KLF12: variants seen among roughly 807,000 people sequenced by gnomAD.
KLF12 encodes the protein Krueppel-like factor 12.
KLF12 carries 9 observed loss-of-function variants against 37.8 expected under a neutral mutation model. The observed-to-expected ratio is 0.24, with a 90% CI of 0.14 to 0.42. The LOEUF is 0.42. KLF12 is among the 10% of genes least tolerant of loss of function. KLF12 has a pLI of 1.00. For synonymous variants in KLF12, 208 were observed against 202.1 expected (o/e 1.03, Z -0.25); for missense variants, 411 against 516.0 (o/e 0.80, Z 1.97).
At chr13:73,781,273 A>G (rs1458962320) in intron 5 of KLF12, among the ~76,000 whole-genome samples, 2 of 152,254 alleles carry the variant, frequency 1.3e-5, no homozygotes, top group African/African-American at 4.8e-5. Context: ...CAACTTTTAT[A>G]TGCACTGGGA....
At chr13:73,992,812 C>T (rs1341118352) in intron 2 of KLF12, among the ~76,000 whole-genome samples, 7 of 152,164 alleles carry the variant, frequency 4.6e-5, no homozygotes, top group Admixed American at 4.6e-4. Context: ...GCAATTTTCT[C>T]CCTGAATCAG....
chr13:74,157,152 C>T, the KLF12 span, among the ~76,000 whole-genome samples: 1 of 152,214 alleles, frequency 6.6e-6, no homozygotes, highest in East Asian at 1.9e-4. Flanking sequence ...GCCTAATTTT[C>T]TATTATATAG....
chr13:74,030,430 C>T (rs546726371), intron 1 of KLF12, among the ~76,000 whole-genome samples: 11 of 152,168 alleles, frequency 7.2e-5, no homozygotes, highest in African/African-American at 2.6e-4. Context: ...AATATATGGT[C>T]ATTAGACATC....
At chr13:74,211,086 A>G in the KLF12 span, among the ~76,000 whole-genome samples, 1 of 152,012 alleles carries the variant, frequency 6.6e-6, no homozygotes. Flanking sequence ...CCACATTATT[A>G]TTGCCTTTCC....
At chr13:73,720,315 C>T (rs1876143374) in intron 6 of KLF12, among the ~76,000 whole-genome samples, 1 of 152,144 alleles carries the variant, frequency 6.6e-6, no homozygotes, top group Admixed American at 6.5e-5. Context: ...AGAATCCTCA[C>T]AGGTATATGC....
At chr13:74,275,998 A>G in the KLF12 span, among the ~76,000 whole-genome samples, 15 of 150,172 alleles carry the variant, frequency 1.0e-4, no homozygotes, top group East Asian at 3.9e-4. Flanking sequence ...ATATATATAT[A>G]TGTGCAGAAC....
intron 1 of KLF12, among the ~76,000 whole-genome samples, chr13:74,106,900 A>G (rs552919440): frequency 1.1e-4 from 17 of 151,946 alleles, no homozygotes; most frequent in Admixed American, 2.6e-4. Flanking sequence ...AAAGAGCTCA[A>G]AGGAAAAAAA....
intron 6 of KLF12, among the ~76,000 whole-genome samples, chr13:73,726,445 C>T (rs1380571020): frequency 6.6e-6 from 1 of 152,164 alleles, no homozygotes; most frequent in Non-Finnish European, 1.5e-5. Context: ...TCCATTCTGC[C>T]TTCCTCCTAG....
the KLF12 span, among the ~76,000 whole-genome samples, chr13:74,274,858 A>G: frequency 6.6e-6 from 1 of 152,182 alleles, no homozygotes; most frequent in African/African-American, 2.4e-5. Flanking sequence ...TGTTACAAAT[A>G]TATTTCTCCC....
At chr13:74,192,968 G>A in the KLF12 span, among the ~76,000 whole-genome samples, 6 of 149,950 alleles carry the variant, frequency 4.0e-5, no homozygotes, top group Admixed American at 2.7e-4. Context: ...TTCTTTTAAG[G>A]AACTTTTTCT....
At chr13:73,932,139 T>C (rs1889715297) in intron 3 of KLF12, among the ~76,000 whole-genome samples, 2 of 152,176 alleles carry the variant, frequency 1.3e-5, no homozygotes, top group South Asian at 2.1e-4. Context: ...ATTATCTTCA[T>C]GAATTTACTG....
At chr13:74,218,312 C>G in the KLF12 span, among the ~76,000 whole-genome samples, 1 of 152,060 alleles carries the variant, frequency 6.6e-6, no homozygotes, top group Non-Finnish European at 1.5e-5. Context: ...AACAATAAGG[C>G]AAATGAAAAG....
At chr13:73,952,570 T>C (rs1406541595) in intron 2 of KLF12, among the ~76,000 whole-genome samples, 5 of 152,212 alleles carry the variant, frequency 3.3e-5, no homozygotes, top group African/African-American at 1.2e-4. Context: ...AGCCGAGCCA[T>C]ATCAAGCTTC....
At chr13:74,137,677 G>C (rs527878993), upstream of KLF12, among the ~76,000 whole-genome samples, 5 of 152,132 alleles carry the variant, frequency 3.3e-5, no homozygotes, top group Admixed American at 3.3e-4. Context: ...CTTTTTGCCA[G>C]CTCTTCTTAT....
At chr13:73,839,543 A>G (rs78593720) in intron 4 of KLF12, among the ~76,000 whole-genome samples, 2,505 of 152,198 alleles carry the variant, frequency 0.016, 64 homozygotes, top group African/African-American at 0.057. Flanking sequence ...CCACTAAACA[A>G]TGAAGAAAAA....
intron 5 of KLF12, among the ~76,000 whole-genome samples, chr13:73,806,577 C>G (rs1262767575): frequency 1.3e-5 from 2 of 151,550 alleles, no homozygotes; most frequent in African/African-American, 4.9e-5. Context: ...AAGGGAGCTT[C>G]CCCTTCATAA....
chr13:74,027,870 C>T lies in KLF12; in HGVS notation c.-31-32817G>A, dbSNP rs1000225198. Among the ~76,000 whole-genome samples, 11 of 152,090 alleles carry T rather than the reference C, an allele frequency of 7.2e-5. 1 individual carries two copies. The highest frequency in any genetic ancestry group is 1.3e-4 in the Admixed American group (2 of 15,244). On this transcript the variant is annotated intron_variant, in intron 1 of 7. Transcript: ENST00000377669. ...AAGAGTCTTTTTAATTTAGTTTCAA[C>T]GTGTGCTTTATTATAACTGTACTAC... is the stretch of plus-strand genomic sequence containing the variant.
chr13:74,296,780 A>G, the KLF12 span, among the ~76,000 whole-genome samples: 1 of 152,178 alleles, frequency 6.6e-6, no homozygotes. Context: ...CAAAGAAATC[A>G]AGCTAAACCC....
chr13:73,757,324 T>C (rs2138021299), intron 6 of KLF12, among the ~76,000 whole-genome samples: 1 of 152,302 alleles, frequency 6.6e-6, no homozygotes, highest in East Asian at 1.9e-4. Context: ...TTAAATCTTT[T>C]TTATAAATAC....
Sources: allele counts gnomAD v4.1 joint callset (sites outside exome capture counted in the v4.1 genomes callset), GRCh38; gene constraint gnomAD v4.1.1; transcripts MANE v1.5; gene names NCBI Gene and HGNC (gene_info 2026-07-23, HGNC 2026-07-21).